The following TGFBRAP1 variants were observed in gnomAD, a reference collection of about 807,000 sequenced individuals.
TGFBRAP1 encodes the protein transforming growth factor-beta receptor-associated protein 1.
Under a neutral mutation model 83.2 loss-of-function variants are expected in TGFBRAP1, and 20 were observed. That is an observed-to-expected ratio of 0.24 (90% CI 0.17 to 0.35). The LOEUF (loss-of-function observed/expected upper bound fraction) is 0.35. Ranked by LOEUF, TGFBRAP1 falls within the 10% of genes least tolerant of loss-of-function variation. The pLI, the probability that TGFBRAP1 is intolerant of heterozygous loss-of-function variation, is 1.00. For missense variants in TGFBRAP1, 950 were observed against 1,099.4 expected, an observed-to-expected ratio of 0.86 and a Z score of 1.92; for synonymous variants, 415 against 459.8, an observed-to-expected ratio of 0.90 and a Z score of 1.25.
At chr2:105,328,684 T>C (rs1417455208) in intron 1 of TGFBRAP1, among the ~76,000 whole-genome samples, 1 of 152,196 alleles carries the variant, frequency 6.6e-6, no homozygotes, top group African/African-American at 2.4e-5. Flanking sequence ...TCCTTCCTGA[T>C]AGACAAGGTG....
chr2:105,299,921 A>G (rs1452453146), intron 2 of TGFBRAP1, among the ~76,000 whole-genome samples: 1 of 152,162 alleles, frequency 6.6e-6, no homozygotes, highest in African/African-American at 2.4e-5. Flanking sequence ...CCACAAACTA[A>G]TTCTATTCTT....
At chr2:105,279,450 A>G (rs1388430215) in intron 6 of TGFBRAP1, among the ~76,000 whole-genome samples, 1 of 151,872 alleles carries the variant, frequency 6.6e-6, no homozygotes, top group Non-Finnish European at 1.5e-5. Flanking sequence ...TAGTAAAGAC[A>G]AGATCTTACT....
intron 10 of TGFBRAP1, among the ~76,000 whole-genome samples, chr2:105,270,488 A>G (rs995258287): frequency 6.6e-6 from 1 of 152,218 alleles, no homozygotes. Context: ...GTCTCTAAGG[A>G]CCAGAAGTGA....
chr2:105,275,713 A>G lies in TGFBRAP1; in HGVS notation c.1522-10T>C. The G allele has an allele frequency of 6.3e-7, 1 of 1,588,220 alleles. No homozygotes were observed. The highest frequency in any genetic ancestry group is 8.5e-7 in the Non-Finnish European group (1 of 1,171,096). On this transcript the variant is annotated splice_polypyrimidine_tract_variant and intron_variant, in intron 7 of 11. Coordinates refer to ENST00000393359, the MANE Select transcript of TGFBRAP1 (RefSeq NM_004257.6). ...CAATGTTCACCCACAACTGGAAAGG[A>G]ATCAAAAAGAAAAAAAGAAAAAGAA...
At chr2:105,257,330 T>G in the TGFBRAP1 span, among the ~76,000 whole-genome samples, 3 of 152,206 alleles carry the variant, frequency 2.0e-5, no homozygotes, top group African/African-American at 7.2e-5. Flanking sequence ...AAGTGTATAG[T>G]TCTGTGGCAT....
chr2:105,311,167 AAC>A (rs1370161205), intron 1 of TGFBRAP1, among the ~76,000 whole-genome samples: 13 of 151,744 alleles, frequency 8.6e-5, no homozygotes, highest in African/African-American at 3.1e-4. Context: ...AAAAACAAAA[AAC>A]AAAAAAACAT....
the TGFBRAP1 span, among the ~76,000 whole-genome samples, chr2:105,256,785 A>T: frequency 7.6e-4 from 115 of 152,306 alleles, 1 homozygote; most frequent in South Asian, 0.023. Flanking sequence ...ATGGTTAGAC[A>T]TTCTAATCAC....
intron 6 of TGFBRAP1, among the ~76,000 whole-genome samples, chr2:105,278,068 A>G (rs113658804): frequency 1.0e-4 from 15 of 145,532 alleles, no homozygotes; most frequent in South Asian, 6.8e-4. Context: ...CAAAAAATAT[A>G]TGTGTGTGTG....
intron 1 of TGFBRAP1, among the ~76,000 whole-genome samples, chr2:105,320,653 CTTTA>C (rs1302613144): frequency 1.3e-5 from 2 of 152,170 alleles, no homozygotes; most frequent in African/African-American, 4.8e-5. Context: ...ACCTTTCCTC[CTTTA>C]TTTAGTAAGA....
chr2:105,273,141 G>T, intron 9 of TGFBRAP1, 127 bp from the exon 10 acceptor site: 1 of 1,211,340 alleles, frequency 8.3e-7, no homozygotes, highest in South Asian at 1.5e-5. Flanking sequence ...ATGCTCACTT[G>T]CTGGATCGAA....
At chr2:105,292,287 A>G (rs929983879) in intron 4 of TGFBRAP1, among the ~76,000 whole-genome samples, 1 of 152,208 alleles carries the variant, frequency 6.6e-6, no homozygotes, top group Non-Finnish European at 1.5e-5. Flanking sequence ...AATAGGGAAG[A>G]ATGAGAGATT....
intron 4 of TGFBRAP1, 148 bp from the exon 5 acceptor site, chr2:105,284,546 A>G: frequency 1.5e-6 from 1 of 673,716 alleles, no homozygotes; most frequent in Non-Finnish European, 2.6e-6. Context: ...ATGAAATTAT[A>G]TGTATCTGTC....
chr2:105,298,553 T>C lies in TGFBRAP1; in HGVS notation c.841A>G (p.Thr281Ala), dbSNP rs1417756547. The C allele has an allele frequency of 6.2e-7, 1 of 1,612,786 alleles. No individual in the cohort carries two copies. Among genetic ancestry groups the C allele is most frequent in the Non-Finnish European group, 8.5e-7 (1 of 1,179,082 alleles). ...ATATGGCCCTCCTTAAAGGGCAGCG[T>C]CTGCTTCTGTTGCTGATCCAACATG... Reference protein sequence around the residue: ...HSMLDQQQKQTLPFKEGHILQ... With the variant: ...HSMLDQQQKQALPFKEGHILQ... The change falls in exon 3 of 12, where the codon ACG becomes GCG. Residue 281 changes from threonine (T) to alanine (A), a missense_variant. Physicochemically the swap from Thr to Ala is moderately conservative, Grantham distance 58 (BLOSUM62 0). Coordinates refer to ENST00000393359, the MANE Select transcript of TGFBRAP1 (RefSeq NM_004257.6).
At chr2:105,312,932 T>A (rs191536795) in intron 1 of TGFBRAP1, among the ~76,000 whole-genome samples, 1 of 152,252 alleles carries the variant, frequency 6.6e-6, no homozygotes, top group African/African-American at 2.4e-5. Flanking sequence ...GCCAACATGG[T>A]GAAACCTTGC....
At chr2:105,273,522 G>A (rs1677231150) in intron 9 of TGFBRAP1, 22 bp downstream of exon 9, 1 of 1,612,836 alleles carries the variant, frequency 6.2e-7, no homozygotes, top group South Asian at 1.1e-5. Flanking sequence ...ACACTCTTTA[G>A]TCTAACTTCT....
chr2:105,305,720 A>T (rs965094752), intron 2 of TGFBRAP1, among the ~76,000 whole-genome samples: 1 of 152,216 alleles, frequency 6.6e-6, no homozygotes, highest in African/African-American at 2.4e-5. Context: ...GCTGGAGTGC[A>T]GTGGCACGAT....
chr2:105,276,495 A>AT (rs1027929674), intron 7 of TGFBRAP1, among the ~76,000 whole-genome samples: 1 of 152,182 alleles, frequency 6.6e-6, no homozygotes, highest in Non-Finnish European at 1.5e-5. Context: ...GCATACGAAC[A>AT]TTTTTTATGA....
chr2:105,277,997 T>C (rs1401425330), intron 6 of TGFBRAP1, among the ~76,000 whole-genome samples: 1 of 152,096 alleles, frequency 6.6e-6, no homozygotes, highest in African/African-American at 2.4e-5. Flanking sequence ...AAGTTAAGAC[T>C]GCAGTGAGCC....
rs1678567857 is a variant in TGFBRAP1, at chr2:105,307,960, G to A, written c.342C>T (p.Ala114=). 1 of 1,614,126 alleles carries A rather than the reference G, an allele frequency of 6.2e-7. No homozygotes were observed. The highest frequency in any genetic ancestry group is 1.3e-5 in the African/African-American group (1 of 74,942). Residue 114 remains alanine, a synonymous_variant, in exon 2 of 12, where the codon GCC becomes GCT. Transcript: ENST00000393359. ...MLNLEPVPSG[A]RIKGAATFAL... ...CAAACGTGGCTGCCCCCTTGATGCGGGCCCCCGAAGGCACTGGCTCGAGGT... is the reference window on the plus strand; with the variant it reads ...CAAACGTGGCTGCCCCCTTGATGCGAGCCCCCGAAGGCACTGGCTCGAGGT...
Sources: gnomAD v4.1 joint callset for allele counts (sites outside exome capture counted in the v4.1 genomes callset) on GRCh38, gnomAD v4.1.1 for gene constraint, MANE v1.5 for transcripts, NCBI Gene and HGNC (gene_info 2026-07-23, HGNC 2026-07-21) for gene names.